Variants in GAP43 observed in about 807,000 individuals in gnomAD.
The protein encoded by GAP43 is neuromodulin.
GAP43 carries 6 observed loss-of-function variants against 18.6 expected under a neutral mutation model. That is an observed-to-expected ratio of 0.32 (90% CI 0.18 to 0.64). The LOEUF is 0.64. Ranked by LOEUF, GAP43 falls within the 30% of genes least tolerant of loss-of-function variation. The probability of loss-of-function intolerance (pLI) is 0.78; values close to 1 mark genes in which losing one functional copy is unlikely to be tolerated. For missense variants in GAP43, 292 were observed against 295.5 expected, an observed-to-expected ratio of 0.99 and a Z score of 0.09; for synonymous variants, 115 against 111.4, an observed-to-expected ratio of 1.03 and a Z score of -0.20.
At chr3:115,649,529 A>G (rs746957081) in intron 1 of GAP43, among the ~76,000 whole-genome samples, 3 of 152,160 alleles carry the variant, frequency 2.0e-5, no homozygotes, top group Admixed American at 6.5e-5. Context: ...GAAGAAATCA[A>G]TGTGACAGTA....
At position 115,641,543 on chromosome 3, in the gene GAP43, C is replaced by CACAT. The variant is rs148731356; in HGVS notation, c.30+17824_30+17825insACAT. 2.5e-3 allele frequency among the ~76,000 whole-genome samples: 379 copies of CACAT among 150,352 alleles called. 1 individual carries two copies. Among genetic ancestry groups the CACAT allele is most frequent in the African/African-American group, 7.6e-3 (311 of 40,896 alleles). ...ACACACACACACACACACACACACA[C>CACAT]GGTGCTTTCCTGTTTCCCTAGAGAC... On this transcript the variant is annotated intron_variant, in intron 1 of 2. Coordinates refer to ENST00000305124, the MANE Select transcript of GAP43 (RefSeq NM_002045.4).
At chr3:115,702,321 G>A (rs1052186951) in intron 2 of GAP43, among the ~76,000 whole-genome samples, 1 of 152,078 alleles carries the variant, frequency 6.6e-6, no homozygotes, top group Non-Finnish European at 1.5e-5. Context: ...TAGAGGTCAG[G>A]ATTGAAGTCA....
In GAP43 at chr3:115,696,861, C is replaced by T. The variant is rs539411671; in HGVS notation, c.628+20251C>T. On this transcript the variant is annotated intron_variant, in intron 2 of 2. Coordinates refer to ENST00000305124, the MANE Select transcript of GAP43 (RefSeq NM_002045.4). ...TGTTTGTTTGATTTTAGACAGAGTCCCACCATTGTTGCCCAGGCTAGAGTG... is the reference window on the plus strand; with the variant it reads ...TGTTTGTTTGATTTTAGACAGAGTCTCACCATTGTTGCCCAGGCTAGAGTG... Among the ~76,000 whole-genome samples, 39 of 151,912 alleles carry T rather than the reference C, an allele frequency of 2.6e-4. 3 individuals carry two copies. The South Asian group carries it at 8.1e-3, about 32-fold the overall frequency.
At position 115,690,549 on chromosome 3, in the gene GAP43, G is replaced by C. The variant is rs115113731; in HGVS notation, c.628+13939G>C. Among the ~76,000 whole-genome samples, 919 of 152,144 alleles carry C rather than the reference G, an allele frequency of 6.0e-3. 10 individuals carry two copies. Among genetic ancestry groups the C allele is most frequent in the African/African-American group, 0.021 (878 of 41,506 alleles). On this transcript the variant is annotated intron_variant, in intron 2 of 2. Coordinates refer to ENST00000305124, the MANE Select transcript of GAP43 (RefSeq NM_002045.4). ...CTTCAGTGTCTTCATCTATAAGATA[G>C]AGATTAAAATGTTACCCTTAAACAG...
chr3:115,694,232 C>A (rs3732626), intron 2 of GAP43, among the ~76,000 whole-genome samples: 1 of 152,102 alleles, frequency 6.6e-6, no homozygotes, highest in African/African-American at 2.4e-5. Context: ...AGCTCCACCC[C>A]GAAGCCATCT....
At chr3:115,672,424 C>T (rs1464522446) in intron 1 of GAP43, among the ~76,000 whole-genome samples, 1 of 152,114 alleles carries the variant, frequency 6.6e-6, no homozygotes, top group African/African-American at 2.4e-5. Flanking sequence ...TTCTTTTTCT[C>T]CTTGTCTTAA....
At chr3:115,664,186 T>A (rs1328148901) in intron 1 of GAP43, among the ~76,000 whole-genome samples, 1 of 136,084 alleles carries the variant, frequency 7.3e-6, no homozygotes, top group Non-Finnish European at 1.7e-5. Flanking sequence ...CATATAGTTT[T>A]AGAATTTGCT....
At chr3:115,660,951 G>T (rs1034659351) in intron 1 of GAP43, among the ~76,000 whole-genome samples, 3 of 152,126 alleles carry the variant, frequency 2.0e-5, no homozygotes, top group Admixed American at 6.5e-5. Flanking sequence ...AGCTAATCTC[G>T]ATAGCTTTCA....
At chr3:115,661,894 G>A (rs992955366) in intron 1 of GAP43, among the ~76,000 whole-genome samples, 5 of 141,540 alleles carry the variant, frequency 3.5e-5, no homozygotes, top group Non-Finnish European at 4.5e-5. Context: ...CACAAGAGAA[G>A]TGGGAAGATA....
intron 2 of GAP43, among the ~76,000 whole-genome samples, chr3:115,702,491 T>A (rs533001876): frequency 6.6e-6 from 1 of 152,056 alleles, no homozygotes; most frequent in African/African-American, 2.4e-5. Context: ...ATACTGCTCA[T>A]TGAAGCTAAG....
At chr3:115,700,902 T>G (rs1709289845) in intron 2 of GAP43, among the ~76,000 whole-genome samples, 1 of 152,162 alleles carries the variant, frequency 6.6e-6, no homozygotes, top group Non-Finnish European at 1.5e-5. Context: ...AGAAATTTAT[T>G]ACCTGAATTA....
At chr3:115,649,499 G>C (rs1708497654) in intron 1 of GAP43, among the ~76,000 whole-genome samples, 1 of 151,928 alleles carries the variant, frequency 6.6e-6, no homozygotes, top group Non-Finnish European at 1.5e-5. Flanking sequence ...AATAGAGAAG[G>C]GAAGACTGAA....
chr3:115,720,866 A>C lies in GAP43; in HGVS notation c.701A>C (p.Asp234Ala), dbSNP rs748129362. ...GGTAAAGAAGAGGAACCTGAGGCTG[A>C]CCAAGAACATGCCTGAACTCTAAGA... The part of the protein sequence containing the change: ...DEGKEEEPEA[D>A]QEHA Residue 234 changes from aspartate to alanine, a missense_variant, in exon 3 of 3, where the codon GAC (aspartate) becomes GCC (alanine). Transcript: ENST00000305124. 47 of 1,612,306 alleles carry C rather than the reference A, an allele frequency of 2.9e-5. No homozygotes were observed. Among genetic ancestry groups the C allele is most frequent in the Non-Finnish European group, 3.9e-5 (46 of 1,178,774 alleles).
chr3:115,641,257 T>C (rs969481218), intron 1 of GAP43, among the ~76,000 whole-genome samples: 11 of 151,824 alleles, frequency 7.2e-5, no homozygotes, highest in Non-Finnish European at 2.9e-5. Context: ...ATTTTAAACA[T>C]TTCCTCATTC....
At chr3:115,632,361 A>G (rs1320480942) in intron 1 of GAP43, among the ~76,000 whole-genome samples, 1 of 152,040 alleles carries the variant, frequency 6.6e-6, no homozygotes, top group African/African-American at 2.4e-5. Context: ...CATTTCCACA[A>G]CCTGACTTCA....
At chr3:115,635,273 C>G (rs563524972) in intron 1 of GAP43, among the ~76,000 whole-genome samples, 1 of 152,216 alleles carries the variant, frequency 6.6e-6, no homozygotes, top group South Asian at 2.1e-4. Context: ...CACGATAATC[C>G]TCTTCAGTGT....
Position 115,623,583 on chromosome 3 carries a change from A to C in GAP43, c.-107A>C. On this transcript the variant is annotated 5_prime_UTR_variant, in exon 1 of 3. Transcript: ENST00000305124. ...GAGGGAGAGAGAGCGCGCTAGCGCG[A>C]GAGAGCGAGTGAGCAAGCGAGCAGA... The C allele has an allele frequency of 2.1e-6, 3 of 1,440,546 alleles. No individual in the cohort carries two copies. Among genetic ancestry groups the C allele is most frequent in the South Asian group, 2.3e-5 (2 of 85,758 alleles). 89.2% of individuals were successfully genotyped at this position (1,440,546 alleles called of 1,614,324 possible).
At chr3:115,661,831 CTT>C (rs56209932) in intron 1 of GAP43, among the ~76,000 whole-genome samples, 35 of 105,910 alleles carry the variant, frequency 3.3e-4, no homozygotes, top group Non-Finnish European at 4.0e-4. Context: ...GAAACTAGGG[CTT>C]TTTTTTTTTT....
At chr3:115,678,134 G>T (rs1559799094) in intron 2 of GAP43, among the ~76,000 whole-genome samples, 2 of 152,142 alleles carry the variant, frequency 1.3e-5, no homozygotes, top group African/African-American at 4.8e-5. Flanking sequence ...TGGGGTGTGG[G>T]TTTTAATTTA....
Sources: allele counts gnomAD v4.1 joint callset (sites outside exome capture counted in the v4.1 genomes callset), GRCh38; gene constraint gnomAD v4.1.1; transcripts MANE v1.5; gene names NCBI Gene and HGNC (gene_info 2026-07-23, HGNC 2026-07-21).